RBFOX1: variants seen among roughly 807,000 people sequenced by gnomAD.
RBFOX1 encodes RNA binding protein fox-1 homolog 1.
A neutral mutation model predicts 57.7 loss-of-function variants in RBFOX1; 8 were observed. The ratio of observed to expected loss-of-function variants is 0.14; its 90% CI spans 0.08 to 0.25. The LOEUF is 0.25. RBFOX1 is among the 10% of genes least tolerant of loss of function. The pLI is 1.00. For missense variants in RBFOX1, 611 were observed against 548.5 expected (o/e 1.11, Z -1.14); for synonymous variants, 326 against 222.4 (o/e 1.47, Z -4.15).
chr16:5,513,479 T>C (rs1011026031), intron 2 of RBFOX1, among the ~76,000 whole-genome samples: 3 of 152,206 alleles, frequency 2.0e-5, no homozygotes, highest in Non-Finnish European at 4.4e-5. Flanking sequence ...GTAAATTTGC[T>C]CTTCACACAC....
chr16:7,111,112 A>C (rs1171568572), intron 4 of RBFOX1, among the ~76,000 whole-genome samples: 2 of 152,214 alleles, frequency 1.3e-5, no homozygotes, highest in Non-Finnish European at 2.9e-5. Flanking sequence ...ACATGTGGCC[A>C]ATCTCATTTT....
chr16:6,169,542 G>C (rs1029357682), intron 1 of RBFOX1, among the ~76,000 whole-genome samples: 1 of 152,298 alleles, frequency 6.6e-6, no homozygotes, highest in Middle Eastern at 3.4e-3. Context: ...GATTCAGAGA[G>C]ACTCCAGCAC....
chr16:7,200,017 C>A (rs1032740024), intron 4 of RBFOX1, among the ~76,000 whole-genome samples: 2 of 152,202 alleles, frequency 1.3e-5, no homozygotes, highest in Non-Finnish European at 2.9e-5. Flanking sequence ...TGGATAGTCA[C>A]AATCATAGAG....
In RBFOX1 at chr16:6,500,883, T is replaced by TGTTTGTTTG. The variant is rs1415756308; in HGVS notation, c.-63-153720_-63-153719insGTTTGTTTG. ...CTCAGCCCTTGGGGAGTAGTTTTTT[T>TGTTTGTTTG]TTTTTTTTTTTTTTTTTTAATGCTG... On this transcript the variant is annotated intron_variant, in intron 2 of 15. Transcript: ENST00000550418. Among the ~76,000 whole-genome samples the TGTTTGTTTG allele has an allele frequency of 2.6e-3, 352 of 136,962 alleles. 4 individuals are homozygous for TGTTTGTTTG. Among genetic ancestry groups the TGTTTGTTTG allele is most frequent in the African/African-American group, 8.6e-3 (323 of 37,638 alleles). 89.9% of individuals were successfully genotyped at this position (136,962 alleles called of 152,430 possible).
chr16:7,438,505 C>A (rs2098740189), intron 4 of RBFOX1, among the ~76,000 whole-genome samples: 1 of 152,152 alleles, frequency 6.6e-6, no homozygotes, highest in South Asian at 2.1e-4. Context: ...ACTGGAACAT[C>A]CACGGACTCC....
intron 4 of RBFOX1, among the ~76,000 whole-genome samples, chr16:7,454,636 A>G (rs2058108524): frequency 1.3e-5 from 2 of 152,184 alleles, no homozygotes; most frequent in South Asian, 2.1e-4. Context: ...TGGAGACAAG[A>G]CTCTATCTAC....
At chr16:6,540,263 C>A (rs1342725300) in intron 2 of RBFOX1, among the ~76,000 whole-genome samples, 2 of 151,596 alleles carry the variant, frequency 1.3e-5, no homozygotes, top group Non-Finnish European at 2.9e-5. Flanking sequence ...AATTCTCCCT[C>A]AATTGTTCTT....
At chr16:6,285,519 G>A (rs906084598) in intron 1 of RBFOX1, among the ~76,000 whole-genome samples, 4 of 152,108 alleles carry the variant, frequency 2.6e-5, no homozygotes, top group Non-Finnish European at 4.4e-5. Context: ...GGGTGTTGCC[G>A]AGTGCTGATT....
intron 2 of RBFOX1, among the ~76,000 whole-genome samples, chr16:6,564,762 C>A (rs866185794): frequency 1.3e-5 from 2 of 152,072 alleles, no homozygotes; most frequent in African/African-American, 2.4e-5. Context: ...TATTTGATTG[C>A]GGTAATCATT....
chr16:6,089,369 G>A (rs1014603669), intron 1 of RBFOX1, among the ~76,000 whole-genome samples: 2 of 151,998 alleles, frequency 1.3e-5, no homozygotes, highest in Non-Finnish European at 2.9e-5. Flanking sequence ...AAATGCAAAG[G>A]CCCAGAGCCA....
At chr16:7,638,886 G>C (rs1355982207) in intron 11 of RBFOX1, among the ~76,000 whole-genome samples, 1 of 152,066 alleles carries the variant, frequency 6.6e-6, no homozygotes, top group Non-Finnish European at 1.5e-5. Context: ...GACAGAACAT[G>C]GTGGCTGGCT....
chr16:5,820,487 C>T (rs1046753016), intron 3 of RBFOX1, among the ~76,000 whole-genome samples: 12 of 152,282 alleles, frequency 7.9e-5, no homozygotes, highest in Non-Finnish European at 1.3e-4. Flanking sequence ...CTGCAGCTGC[C>T]CGCACGTTTC....
chr16:5,886,007 G>C (rs1183497881), intron 4 of RBFOX1, among the ~76,000 whole-genome samples: 2 of 152,064 alleles, frequency 1.3e-5, no homozygotes, highest in African/African-American at 4.8e-5. Context: ...ATGAGATCTG[G>C]TTGTTTAAAC....
At chr16:5,312,691 A>T (rs1025284393) in intron 1 of RBFOX1, among the ~76,000 whole-genome samples, 1 of 152,186 alleles carries the variant, frequency 6.6e-6, no homozygotes. Flanking sequence ...GAGACAGACA[A>T]TTCTCAAAAG....
intron 2 of RBFOX1, among the ~76,000 whole-genome samples, chr16:5,574,122 T>C (rs139449002): frequency 6.6e-6 from 1 of 152,214 alleles, no homozygotes; most frequent in Non-Finnish European, 1.5e-5. Flanking sequence ...AATAGGCAGA[T>C]GTATAATCTT....
At chr16:5,387,335 C>G (rs1390982060) in intron 1 of RBFOX1, among the ~76,000 whole-genome samples, 1 of 152,184 alleles carries the variant, frequency 6.6e-6, no homozygotes, top group Admixed American at 6.5e-5. Context: ...AACACACACA[C>G]TTCTATTTTC....
At chr16:5,581,206 G>T (rs2046653840) in intron 2 of RBFOX1, among the ~76,000 whole-genome samples, 1 of 152,142 alleles carries the variant, frequency 6.6e-6, no homozygotes, top group South Asian at 2.1e-4. Context: ...GCTAAAGCAA[G>T]AGTCTGCTTA....
rs113897272 is a variant in RBFOX1, at chr16:6,612,709, G to A, written c.-63-41894G>A. ...TCTACTAAAAATACAAAAATTAGCC[G>A]GGTGTGGTGGTCGGTGTCTGCAATC... On this transcript the variant is annotated intron_variant, in intron 2 of 15. Transcript: ENST00000550418. Among the ~76,000 whole-genome samples the A allele has an allele frequency of 7.9e-3, 1,199 of 151,796 alleles. 13 individuals carry two copies. The highest frequency in any genetic ancestry group is 0.027 in the African/African-American group (1,113 of 41,362).
intron 2 of RBFOX1, among the ~76,000 whole-genome samples, chr16:6,596,357 T>C (rs951639295): frequency 3.3e-5 from 5 of 152,230 alleles, no homozygotes; most frequent in African/African-American, 1.2e-4. Context: ...GCACCATTCA[T>C]TGAAAATCCT....
Sources: allele counts gnomAD v4.1 joint callset (sites outside exome capture counted in the v4.1 genomes callset), GRCh38; gene constraint gnomAD v4.1.1; transcripts MANE v1.5; gene names NCBI Gene and HGNC (gene_info 2026-07-23, HGNC 2026-07-21).